RBFOX1: variants seen among roughly 807,000 people sequenced by gnomAD.
RBFOX1 encodes RNA binding fox-1 homolog 1, also known as RNA binding protein fox-1 homolog 1.
In RBFOX1, 8 loss-of-function variants were observed where a neutral mutation model predicts 57.7. The observed-to-expected ratio is 0.14, with a 90% CI of 0.08 to 0.25. RBFOX1 has a LOEUF of 0.25. Among genes scored for constraint, RBFOX1 ranks in the 10% least tolerant of loss-of-function variants. The probability of loss-of-function intolerance (pLI) is 1.00; values close to 1 mark genes in which losing one functional copy is unlikely to be tolerated. For missense variants in RBFOX1, 611 were observed against 548.5 expected (o/e 1.11, Z -1.14); for synonymous variants, 326 against 222.4 (o/e 1.47, Z -4.15).
At chr16:7,213,390 A>G (rs1403741334) in intron 4 of RBFOX1, among the ~76,000 whole-genome samples, 1 of 152,188 alleles carries the variant, frequency 6.6e-6, no homozygotes, top group Non-Finnish European at 1.5e-5. Flanking sequence ...TTAAGTTCCC[A>G]GTGTAATAGG....
intron 2 of RBFOX1, among the ~76,000 whole-genome samples, chr16:5,525,559 G>C (rs540873833): frequency 6.9e-6 from 1 of 145,570 alleles, no homozygotes; most frequent in Non-Finnish European, 1.5e-5. Flanking sequence ...GTGCAGTGGC[G>C]TGATCTCAGC....
chr16:6,273,252 C>G (rs937060230), intron 1 of RBFOX1, among the ~76,000 whole-genome samples: 1 of 149,236 alleles, frequency 6.7e-6, no homozygotes, highest in African/African-American at 2.5e-5. Flanking sequence ...GAGTGAGACT[C>G]TGTTTTAAAA....
chr16:6,137,076 CAT>C (rs1437896308), intron 1 of RBFOX1, among the ~76,000 whole-genome samples: 1 of 152,156 alleles, frequency 6.6e-6, no homozygotes, highest in East Asian at 1.9e-4. Flanking sequence ...TCTAATCTAT[CAT>C]ATTTCCTCTG....
intron 2 of RBFOX1, among the ~76,000 whole-genome samples, chr16:6,430,274 C>T (rs1327192912): frequency 3.3e-5 from 5 of 152,176 alleles, no homozygotes; most frequent in African/African-American, 4.8e-5. Context: ...GAATATAAAA[C>T]AGTAAGACTC....
chr16:5,649,952 G>A (rs770053848), intron 3 of RBFOX1, among the ~76,000 whole-genome samples: 31 of 152,186 alleles, frequency 2.0e-4, no homozygotes, highest in Non-Finnish European at 4.1e-4. Flanking sequence ...ATCGCCTCCC[G>A]GTGGAACACG....
chr16:6,374,679 G>A (rs932829556), intron 2 of RBFOX1, among the ~76,000 whole-genome samples: 1 of 152,188 alleles, frequency 6.6e-6, no homozygotes, highest in South Asian at 2.1e-4. Context: ...AGGCGACCAA[G>A]TAACATTTTC....
chr16:6,069,126 C>T (rs1226114037), intron 1 of RBFOX1, among the ~76,000 whole-genome samples: 4 of 152,072 alleles, frequency 2.6e-5, no homozygotes, highest in East Asian at 1.9e-4. Flanking sequence ...AGGCCGGGCA[C>T]GGCGGCTGAC....
chr16:6,072,870 A>G (rs934560115), intron 1 of RBFOX1, among the ~76,000 whole-genome samples: 22 of 152,174 alleles, frequency 1.4e-4, no homozygotes, highest in African/African-American at 4.6e-4. Flanking sequence ...TGTGAAAGAT[A>G]GGTCTGTTCC....
intron 3 of RBFOX1, among the ~76,000 whole-genome samples, chr16:6,668,107 C>T (rs1453220618): frequency 6.6e-6 from 1 of 152,092 alleles, no homozygotes; most frequent in Non-Finnish European, 1.5e-5. Context: ...TTTTGTGTAT[C>T]CTGTAGCTAC....
At chr16:7,043,182 A>C (rs2046761365) in intron 3 of RBFOX1, among the ~76,000 whole-genome samples, 1 of 152,070 alleles carries the variant, frequency 6.6e-6, no homozygotes, top group Non-Finnish European at 1.5e-5. Flanking sequence ...TCCAGAAACA[A>C]CTGACTGATG....
chr16:6,911,467 A>G (rs1293956616), intron 3 of RBFOX1, among the ~76,000 whole-genome samples: 1 of 152,124 alleles, frequency 6.6e-6, no homozygotes, highest in Non-Finnish European at 1.5e-5. Flanking sequence ...TGTCAGTGTG[A>G]TCTCTGCCTT....
intron 3 of RBFOX1, among the ~76,000 whole-genome samples, chr16:5,761,319 C>G (rs553356703): frequency 7.9e-5 from 12 of 152,274 alleles, no homozygotes; most frequent in African/African-American, 2.6e-4. Context: ...GGTTTTCTAG[C>G]CACTCAGCTG....
chr16:6,905,112 A>G (rs1399558577), intron 3 of RBFOX1, among the ~76,000 whole-genome samples: 1 of 152,174 alleles, frequency 6.6e-6, no homozygotes, highest in Non-Finnish European at 1.5e-5. Flanking sequence ...TAAAAAATCC[A>G]AAAAGACTGT....
Position 7,054,213 on chromosome 16 carries a change from C to CGGCGGGGG in RBFOX1, c.27+2117_27+2118insCGGGGGGG, listed in dbSNP as rs1345662627. ...CCCTTATTAAGGTGATTTTTTTTTT[C>CGGCGGGGG]GGGGGGGGGGGGCGGGGAGCTTTTT... is the stretch of plus-strand genomic sequence containing the variant. On this transcript the variant is annotated intron_variant, in intron 4 of 15. Coordinates refer to ENST00000550418, the MANE Select transcript of RBFOX1 (RefSeq NM_018723.4). Among the ~76,000 whole-genome samples the CGGCGGGGG allele has an allele frequency of 1.6e-3, 29 of 17,828 alleles. 1 individual carries two copies. Among genetic ancestry groups the CGGCGGGGG allele is most frequent in the African/African-American group, 0.012 (27 of 2,170 alleles). 11.7% of individuals were successfully genotyped at this position (17,828 alleles called of 152,430 possible).
chr16:7,136,618 T>A (rs932276196), intron 4 of RBFOX1, among the ~76,000 whole-genome samples: 6 of 152,090 alleles, frequency 3.9e-5, no homozygotes, highest in Non-Finnish European at 7.4e-5. Context: ...GGTCTCATAA[T>A]GTTGCCCAGG....
intron 3 of RBFOX1, among the ~76,000 whole-genome samples, chr16:6,925,455 CATTTATTTATTT>C (rs35991387): frequency 6.8e-6 from 1 of 147,366 alleles, no homozygotes. Context: ...ATGGACTCCA[CATTTATTTATTT>C]ATTTATTTAT....
At chr16:7,524,882 T>A (rs1406639750) in intron 5 of RBFOX1, among the ~76,000 whole-genome samples, 2 of 152,228 alleles carry the variant, frequency 1.3e-5, no homozygotes, top group African/African-American at 4.8e-5. Context: ...AAAAACTTGT[T>A]CAGGGCATTC....
chr16:6,440,970 G>T (rs1292327376), intron 2 of RBFOX1, among the ~76,000 whole-genome samples: 2 of 152,136 alleles, frequency 1.3e-5, no homozygotes, highest in East Asian at 3.9e-4. Context: ...GGCTGCGTCT[G>T]TGGAGTGTAT....
chr16:6,375,028 C>T (rs2090982456), intron 2 of RBFOX1, among the ~76,000 whole-genome samples: 1 of 152,258 alleles, frequency 6.6e-6, no homozygotes, highest in Non-Finnish European at 1.5e-5. Flanking sequence ...TTATTTGCTC[C>T]TTTTTTACAT....
Sources: gnomAD v4.1 joint callset for allele counts (sites outside exome capture counted in the v4.1 genomes callset) on GRCh38, gnomAD v4.1.1 for gene constraint, MANE v1.5 for transcripts, NCBI Gene and HGNC (gene_info 2026-07-23, HGNC 2026-07-21) for gene names.